The following CCDC18 variants were observed in gnomAD, a reference collection of about 807,000 sequenced individuals.
CCDC18 encodes the protein coiled-coil domain containing 18.
A neutral mutation model predicts 196.0 loss-of-function variants in CCDC18; 157 were observed. That is an observed-to-expected ratio of 0.80 (90% CI 0.70 to 0.91). CCDC18 has a LOEUF of 0.91. Ranked by LOEUF, CCDC18 falls within the 40% of genes least tolerant of loss-of-function variation. The pLI is 0.00. For synonymous variants in CCDC18, 482 were observed against 529.2 expected, an observed-to-expected ratio of 0.91 and a Z score of 1.22; for missense variants, 1,465 against 1,611.6, an observed-to-expected ratio of 0.91 and a Z score of 1.56.
intron 11 of CCDC18, 21 bp downstream of exon 11, chr1:93,212,282 TA>T: frequency 7.1e-7 from 1 of 1,407,090 alleles, no homozygotes; most frequent in East Asian, 2.5e-5. Flanking sequence ...TGAGTTATTT[TA>T]ATAAATTATA....
At chr1:93,269,110 G>A (rs1406572915) in intron 27 of CCDC18, among the ~76,000 whole-genome samples, 1 of 152,072 alleles carries the variant, frequency 6.6e-6, no homozygotes, top group Admixed American at 6.6e-5. Context: ...AAAAGGATGA[G>A]TTCATGTCCT....
At chr1:93,221,559 G>A in intron 14 of CCDC18, 50 bp from the exon 15 acceptor site, 3 of 1,255,074 alleles carry the variant, frequency 2.4e-6, no homozygotes, top group Non-Finnish European at 2.1e-6. Context: ...TATTTAAAAT[G>A]TTTCAAAATT....
rs1659862117 is a variant in CCDC18, at chr1:93,234,977, TTTC to T, written c.2461-1268_2461-1266del. 8.2e-5 allele frequency among the ~76,000 whole-genome samples: 6 copies of T among 73,322 alleles called. No homozygotes were observed. The South Asian group carries it at 1.6e-3, about 20-fold the overall frequency. 48.1% of individuals were successfully genotyped at this position (73,322 alleles called of 152,430 possible). A position where few individuals can be genotyped will look rare whatever the true frequency, so the allele number is the denominator to read the frequency against. ...TGTGTGTGTGTGTGTGTGTGTGGCT[TTTC>T]TTTTTTTTTCTTTTTTTTTTTTTTG... On this transcript the variant is annotated intron_variant, in intron 18 of 28. Coordinates refer to ENST00000690025, the MANE Select transcript of CCDC18 (RefSeq NM_001378204.1).
At chr1:93,197,953 A>G (rs890258676) in intron 6 of CCDC18, among the ~76,000 whole-genome samples, 46 of 151,698 alleles carry the variant, frequency 3.0e-4, no homozygotes, top group Non-Finnish European at 2.1e-4. Context: ...GGGTTTCTCC[A>G]TGTTAGCCAG....
intron 21 of CCDC18, among the ~76,000 whole-genome samples, chr1:93,243,560 T>C (rs1005446821): frequency 6.6e-6 from 1 of 152,252 alleles, no homozygotes; most frequent in Admixed American, 6.5e-5. Context: ...TCATTACTTA[T>C]GCAAATTTCT....
In CCDC18 at chr1:93,270,630, A is replaced by C; in HGVS notation, c.4169A>C (p.Glu1390Ala). The change falls in exon 28 of 29, where the codon GAA (glutamate) becomes GCA (alanine). Residue 1390 changes from glutamate to alanine, a missense_variant. Glu to Ala is a moderately radical substitution (Grantham distance 107). Transcript: ENST00000690025. ...KMQLEQPSTL[E>A]ESHKNLTYTQ... is the part of the protein sequence containing the mutation. ...CAATTAGAACAGCCTTCAACATTAG[A>C]AGAAAGCCATAAGAATCTGACTTAC... 1 of 1,550,448 alleles carries C rather than the reference A, an allele frequency of 6.4e-7. No homozygotes were observed. The highest frequency in any genetic ancestry group is 8.7e-7 in the Non-Finnish European group (1 of 1,146,910).
intron 8 of CCDC18, 71 bp downstream of exon 8, chr1:93,205,702 ATATTT>A (rs1238681410): frequency 1.5e-6 from 2 of 1,346,880 alleles, no homozygotes; most frequent in Non-Finnish European, 2.1e-6. Flanking sequence ...TTAAAACACA[ATATTT>A]TATTGTTGTA....
intron 10 of CCDC18, 139 bp downstream of exon 10, chr1:93,211,065 A>C (rs904724562): frequency 1.3e-6 from 1 of 770,434 alleles, no homozygotes; most frequent in Admixed American, 2.5e-5. Flanking sequence ...TCACGAGGTC[A>C]GGAGTTCGAG....
chr1:93,270,089 A>AAT (rs1665089163), intron 27 of CCDC18, among the ~76,000 whole-genome samples: 2 of 152,088 alleles, frequency 1.3e-5, no homozygotes, highest in Non-Finnish European at 2.9e-5. Flanking sequence ...TAACACCAAA[A>AAT]ATATATATAT....
At chr1:93,201,038 A>G (rs974931063) in intron 6 of CCDC18, among the ~76,000 whole-genome samples, 1 of 152,172 alleles carries the variant, frequency 6.6e-6, no homozygotes, top group Non-Finnish European at 1.5e-5. Flanking sequence ...GACGTACTTA[A>G]CCACATAGAC....
At chr1:93,229,699 C>T (rs547793175) in intron 17 of CCDC18, among the ~76,000 whole-genome samples, 5 of 152,134 alleles carry the variant, frequency 3.3e-5, no homozygotes, top group East Asian at 1.9e-4. Flanking sequence ...TATTCTTTTC[C>T]GGATGTTGAA....
intron 17 of CCDC18, among the ~76,000 whole-genome samples, chr1:93,227,407 A>G (rs1299314739): frequency 1.3e-5 from 2 of 151,642 alleles, no homozygotes; most frequent in East Asian, 3.9e-4. Flanking sequence ...AACTCAGGCA[A>G]TCCTGCCACC....
chr1:93,227,990 T>TA (rs1398115550), intron 17 of CCDC18, among the ~76,000 whole-genome samples: 47 of 121,090 alleles, frequency 3.9e-4, no homozygotes, highest in Admixed American at 1.5e-3. Context: ...ATATATATAT[T>TA]TATTTATATT....
chr1:93,262,653 G>T (rs1303394271), intron 26 of CCDC18, among the ~76,000 whole-genome samples: 1 of 152,212 alleles, frequency 6.6e-6, no homozygotes, highest in Non-Finnish European at 1.5e-5. Flanking sequence ...GTTTTCATGG[G>T]CTGGCGTTGA....
At chr1:93,192,943 T>TA (rs2101660536) in intron 5 of CCDC18, among the ~76,000 whole-genome samples, 1 of 152,330 alleles carries the variant, frequency 6.6e-6, no homozygotes, top group African/African-American at 2.4e-5. Context: ...TCACAAGTTC[T>TA]GCAAATGATG....
At position 93,212,221 on chromosome 1, in the gene CCDC18, T is replaced by G. The variant is rs1266230599; in HGVS notation, c.1455T>G (p.Ser485Arg). 30 of 1,606,196 alleles carry G rather than the reference T, an allele frequency of 1.9e-5. No homozygotes were observed. The highest frequency in any genetic ancestry group is 2.5e-5 in the Non-Finnish European group (30 of 1,177,242). ...GCCAAGAAAGTAGCAAATTAAGTAG[T>G]TTAGAAACAGAACCTGTAAAGCTAG... Reference protein sequence around the residue: ...NDSQESSKLSSLETEPVKLGG... With the variant: ...NDSQESSKLSRLETEPVKLGG... Residue 485 changes from serine (S) to arginine (R), a missense_variant, in exon 11 of 29, where the codon AGT becomes AGG. Transcript: ENST00000690025.
At chr1:93,234,987 TTTC>T (rs1659870227) in intron 18 of CCDC18, among the ~76,000 whole-genome samples, 1 of 132,472 alleles carries the variant, frequency 7.5e-6, no homozygotes, top group African/African-American at 2.9e-5. Context: ...TTTCTTTTTT[TTTC>T]TTTTTTTTTT....
chr1:93,235,226 A>C (rs1003403814), intron 18 of CCDC18, among the ~76,000 whole-genome samples: 3 of 152,134 alleles, frequency 2.0e-5, no homozygotes, highest in Admixed American at 6.5e-5. Flanking sequence ...TTGAGACCAC[A>C]GTCATATAAA....
At chr1:93,227,174 C>CTTTTTT (rs36053002) in intron 17 of CCDC18, among the ~76,000 whole-genome samples, 25 of 103,692 alleles carry the variant, frequency 2.4e-4, no homozygotes, top group Admixed American at 3.1e-4. Flanking sequence ...CATTGGAAAC[C>CTTTTTT]TTTTTTTTTT....
Sources: allele counts gnomAD v4.1 joint callset (sites outside exome capture counted in the v4.1 genomes callset), GRCh38; gene constraint gnomAD v4.1.1; transcripts MANE v1.5; gene names NCBI Gene and HGNC (gene_info 2026-07-23, HGNC 2026-07-21).